The following LRMDA variants were observed in gnomAD, a reference collection of about 807,000 sequenced individuals.
The protein encoded by LRMDA is leucine rich melanocyte differentiation associated, also known as leucine-rich melanocyte differentiation-associated protein.
LRMDA carries 18 observed loss-of-function variants against 29.8 expected under a neutral mutation model. The observed-to-expected ratio is 0.60, with a 90% confidence interval of 0.42 to 0.90. LRMDA has a LOEUF of 0.90. Among genes scored for constraint, LRMDA ranks in the 40% least tolerant of loss-of-function variants. The probability of loss-of-function intolerance (pLI) is 0.00; values close to 1 mark genes in which losing one functional copy is unlikely to be tolerated. For missense variants in LRMDA, 273 were observed against 273.9 expected (o/e 1.00, Z 0.02); for synonymous variants, 125 against 109.4 (o/e 1.14, Z -0.89).
chr10:75,879,855 A>T (rs1355129713), intron 2 of LRMDA, among the ~76,000 whole-genome samples: 1 of 151,988 alleles, frequency 6.6e-6, no homozygotes, highest in African/African-American at 2.4e-5. Flanking sequence ...CGAACATGGG[A>T]CTGTATTTTC....
chr10:75,998,111 G>A (rs1258055919), intron 2 of LRMDA, among the ~76,000 whole-genome samples: 3 of 152,202 alleles, frequency 2.0e-5, no homozygotes, highest in Admixed American at 6.5e-5. Context: ...GGTGAAGTAT[G>A]AAGAAGACAT....
chr10:76,074,510 T>G (rs1336145835), intron 5 of LRMDA, among the ~76,000 whole-genome samples: 1 of 152,172 alleles, frequency 6.6e-6, no homozygotes, highest in Non-Finnish European at 1.5e-5. Context: ...ATGGCCTGTT[T>G]AAATAAGAAA....
chr10:76,105,578 AG>A (rs1849467821), intron 5 of LRMDA, among the ~76,000 whole-genome samples: 1 of 152,162 alleles, frequency 6.6e-6, no homozygotes, highest in Admixed American at 6.5e-5. Flanking sequence ...AGGAGAAGAC[AG>A]GCAGAGACTG....
At chr10:76,056,527 C>T (rs1848617440) in intron 4 of LRMDA, among the ~76,000 whole-genome samples, 1 of 152,164 alleles carries the variant, frequency 6.6e-6, no homozygotes, top group Non-Finnish European at 1.5e-5. Flanking sequence ...GCCTGCAGGC[C>T]CATGCTGAGC....
At chr10:75,982,348 T>C (rs1847187462) in intron 2 of LRMDA, among the ~76,000 whole-genome samples, 1 of 152,138 alleles carries the variant, frequency 6.6e-6, no homozygotes, top group African/African-American at 2.4e-5. Flanking sequence ...CTGGGGTGCC[T>C]AGTGGGTGAT....
At chr10:76,301,036 G>A (rs1470378697) in intron 5 of LRMDA, among the ~76,000 whole-genome samples, 1 of 152,168 alleles carries the variant, frequency 6.6e-6, no homozygotes, top group Non-Finnish European at 1.5e-5. Context: ...TTTTGACAAT[G>A]AGGAGGAAAT....
intron 2 of LRMDA, among the ~76,000 whole-genome samples, chr10:75,639,359 G>A (rs1434575534): frequency 6.6e-6 from 1 of 152,140 alleles, no homozygotes; most frequent in Non-Finnish European, 1.5e-5. Flanking sequence ...GTAAGCAGAG[G>A]CAGGTCTGCT....
At chr10:76,108,866 T>C (rs543417206) in intron 5 of LRMDA, among the ~76,000 whole-genome samples, 9 of 152,322 alleles carry the variant, frequency 5.9e-5, no homozygotes, top group South Asian at 2.1e-4. Flanking sequence ...TTTGTCTTAT[T>C]TCTTCAAGTG....
Position 75,941,956 on chromosome 10 carries a change from G to C in LRMDA, c.132-94052G>C, listed in dbSNP as rs116291722. On this transcript the variant is annotated intron_variant, in intron 2 of 6. Transcript: ENST00000611255. ...ATGTGGTTGGGAGGTTTAAAATATA[G>C]TGTTATACCTCTGCAGTCTGTATTA... is the stretch of plus-strand genomic sequence containing the variant. 4.8e-3 allele frequency among the ~76,000 whole-genome samples: 726 copies of C among 152,218 alleles called. 4 individuals are homozygous for C. Among genetic ancestry groups the C allele is most frequent in the African/African-American group, 0.016 (655 of 41,514 alleles).
At chr10:76,502,833 G>A (rs1341544707) in intron 6 of LRMDA, among the ~76,000 whole-genome samples, 1 of 149,822 alleles carries the variant, frequency 6.7e-6, no homozygotes, top group Non-Finnish European at 1.5e-5. Flanking sequence ...GAATCATTTT[G>A]TCAGAGAAGA....
Position 76,141,381 on chromosome 10 carries a change from C to T in LRMDA, c.516+82598C>T, listed in dbSNP as rs930259877. On this transcript the variant is annotated intron_variant, in intron 5 of 6. Transcript: ENST00000611255. ...CAGTTTTAATTAATACTTTGAAATA[C>T]ACCTGGTAATACATACTAGTAGCTG... Among the ~76,000 whole-genome samples, 4 of 152,064 alleles carry T rather than the reference C, an allele frequency of 2.6e-5. No individual in the cohort carries two copies. In the South Asian group the frequency reaches 6.2e-4, roughly 24 times the overall value.
At chr10:75,934,670 G>A (rs538785917) in intron 2 of LRMDA, among the ~76,000 whole-genome samples, 125 of 152,220 alleles carry the variant, frequency 8.2e-4, no homozygotes, top group Non-Finnish European at 1.4e-3. Flanking sequence ...GTACCACTCG[G>A]CCAGCAGGAT....
At chr10:75,548,754 A>T (rs996289704) in intron 2 of LRMDA, among the ~76,000 whole-genome samples, 1 of 152,132 alleles carries the variant, frequency 6.6e-6, no homozygotes, top group African/African-American at 2.4e-5. Flanking sequence ...AAAAAGATCT[A>T]AGTATCTGTC....
At chr10:75,905,740 C>T (rs116255652) in intron 2 of LRMDA, among the ~76,000 whole-genome samples, 3,863 of 152,130 alleles carry the variant, frequency 0.025, 156 homozygotes, top group African/African-American at 0.087. Flanking sequence ...CTTTCGTTAA[C>T]CTGGCTGATG....
intron 2 of LRMDA, among the ~76,000 whole-genome samples, chr10:75,692,470 T>C (rs1020789225): frequency 2.0e-5 from 3 of 150,334 alleles, no homozygotes; most frequent in South Asian, 2.1e-4. Flanking sequence ...TATACACACA[T>C]ACACATACAC....
chr10:76,136,293 T>G (rs1158454114), intron 5 of LRMDA, among the ~76,000 whole-genome samples: 1 of 152,220 alleles, frequency 6.6e-6, no homozygotes, highest in Admixed American at 6.5e-5. Context: ...CTTCTTTTTG[T>G]GAATGGCACT....
At chr10:76,372,159 G>C (rs1002222143) in intron 6 of LRMDA, among the ~76,000 whole-genome samples, 2 of 152,086 alleles carry the variant, frequency 1.3e-5, no homozygotes, top group African/African-American at 2.4e-5. Context: ...ATGTAAGATG[G>C]GTATCAGTTC....
chr10:75,633,675 T>C (rs1487158308), intron 2 of LRMDA, among the ~76,000 whole-genome samples: 1 of 152,230 alleles, frequency 6.6e-6, no homozygotes, highest in Non-Finnish European at 1.5e-5. Flanking sequence ...CTTGGGAAAC[T>C]GTATCAAAGT....
intron 2 of LRMDA, among the ~76,000 whole-genome samples, chr10:75,963,111 A>G (rs991992801): frequency 2.0e-5 from 3 of 152,234 alleles, no homozygotes; most frequent in Non-Finnish European, 2.9e-5. Context: ...TCAATAGTTG[A>G]TAATGTACTT....
Sources: allele counts gnomAD v4.1 joint callset (sites outside exome capture counted in the v4.1 genomes callset), GRCh38; gene constraint gnomAD v4.1.1; transcripts MANE v1.5; gene names NCBI Gene and HGNC (gene_info 2026-07-23, HGNC 2026-07-21).